GRM7: variants seen among roughly 807,000 people sequenced by gnomAD.
GRM7 encodes the protein metabotropic glutamate receptor 7.
GRM7 carries 35 observed loss-of-function variants against 84.5 expected under a neutral mutation model. The observed-to-expected ratio is 0.41, with a 90% confidence interval of 0.32 to 0.55. GRM7 has a LOEUF of 0.55. Ranked by LOEUF, GRM7 falls within the 20% of genes least tolerant of loss-of-function variation. GRM7 has a pLI of 0.19. For missense variants in GRM7, 1,003 were observed against 1,194.6 expected (o/e 0.84, Z 2.36); for synonymous variants, 487 against 455.1 (o/e 1.07, Z -0.89).
intron 1 of GRM7, among the ~76,000 whole-genome samples, chr3:6,868,697 G>C (rs546337857): frequency 6.6e-6 from 1 of 152,256 alleles, no homozygotes; most frequent in East Asian, 1.9e-4. Flanking sequence ...TATGTGCAAA[G>C]TGAGAGGACT....
At chr3:7,043,540 C>G (rs1325279399) in intron 1 of GRM7, among the ~76,000 whole-genome samples, 1 of 152,152 alleles carries the variant, frequency 6.6e-6, no homozygotes, top group Non-Finnish European at 1.5e-5. Flanking sequence ...GGATATTTTT[C>G]CAGCTTTTAA....
intron 1 of GRM7, among the ~76,000 whole-genome samples, chr3:7,144,668 G>C (rs540563918): frequency 1.3e-5 from 2 of 152,292 alleles, no homozygotes; most frequent in Middle Eastern, 3.4e-3. Context: ...CTGTTTCTCA[G>C]AACTTGATCT....
At position 6,949,980 on chromosome 3, in the gene GRM7, A is replaced by T. The variant is rs532447634; in HGVS notation, c.519+88073A>T. Among the ~76,000 whole-genome samples, 25 of 152,036 alleles carry T rather than the reference A, an allele frequency of 1.6e-4. No homozygotes were observed. The East Asian group carries it at 4.7e-3, about 28-fold the overall frequency. On this transcript the variant is annotated intron_variant, in intron 1 of 9. Coordinates refer to ENST00000357716, the MANE Select transcript of GRM7 (RefSeq NM_000844.4). ...GTCTAATTTTTTTTCAAAGTTTTTA[A>T]TTTCTTTGCCGTTGGTTCGAACTTC... is the stretch of plus-strand genomic sequence containing the variant.
chr3:7,281,278 AT>A lies in GRM7; in HGVS notation c.737-17398del, dbSNP rs199686710. ...ATTGTATTTTATTCTATGTAAATCT[AT>A]TTTTTTTGCAGTGCTAAAACAGGTA... On this transcript the variant is annotated intron_variant, in intron 2 of 9. Transcript: ENST00000357716. Among the ~76,000 whole-genome samples the A allele has an allele frequency of 8.7e-4, 132 of 151,908 alleles. 1 individual carries two copies. The highest frequency in any genetic ancestry group is 5.0e-3 in the South Asian group (24 of 4,822).
At chr3:7,113,367 C>G (rs1419595985) in intron 1 of GRM7, among the ~76,000 whole-genome samples, 1 of 152,154 alleles carries the variant, frequency 6.6e-6, no homozygotes, top group Non-Finnish European at 1.5e-5. Context: ...AACAAATACA[C>G]AGCCTCGTTC....
Position 7,686,694 on chromosome 3 carries a change from A to G in GRM7, c.2698+6399A>G, listed in dbSNP as rs369370542. 9.2e-5 allele frequency among the ~76,000 whole-genome samples: 14 copies of G among 152,306 alleles called. No homozygotes were observed. The East Asian group carries it at 9.6e-4, about 10-fold the overall frequency. ...TGTCTTCCTGAACAGCTAGCCAGTA[A>G]TTGCAGAGAACTGTTGCTGGTCATT... On this transcript the variant is annotated intron_variant, in intron 9 of 9. Transcript: ENST00000357716.
intron 4 of GRM7, among the ~76,000 whole-genome samples, chr3:7,352,540 C>T (rs1575207427): frequency 1.3e-5 from 2 of 152,068 alleles, no homozygotes; most frequent in African/African-American, 4.8e-5. Flanking sequence ...GAAAATCAAA[C>T]ACAAGTCCTC....
At chr3:7,137,545 A>G (rs1019531762) in intron 1 of GRM7, among the ~76,000 whole-genome samples, 2 of 152,076 alleles carry the variant, frequency 1.3e-5, no homozygotes, top group Non-Finnish European at 2.9e-5. Flanking sequence ...CATCAGTGTC[A>G]CCTGACTAGT....
intron 1 of GRM7, among the ~76,000 whole-genome samples, chr3:7,064,969 T>C (rs1697599825): frequency 1.3e-5 from 2 of 152,036 alleles, no homozygotes; most frequent in African/African-American, 4.8e-5. Flanking sequence ...ATATGTTCAT[T>C]GGCCATTTGT....
At chr3:7,448,520 G>C (rs1206460150) in intron 5 of GRM7, among the ~76,000 whole-genome samples, 2 of 152,160 alleles carry the variant, frequency 1.3e-5, no homozygotes, top group Non-Finnish European at 2.9e-5. Flanking sequence ...ATTTCAGTTG[G>C]GAGAGGAGGA....
chr3:7,059,216 T>C (rs1235549245), intron 1 of GRM7, among the ~76,000 whole-genome samples: 1 of 151,750 alleles, frequency 6.6e-6, no homozygotes, highest in Non-Finnish European at 1.5e-5. Context: ...CATCAATATA[T>C]TTTTTCAGTA....
chr3:7,173,341 C>T (rs547672050), intron 2 of GRM7, among the ~76,000 whole-genome samples: 1 of 152,312 alleles, frequency 6.6e-6, no homozygotes, highest in Admixed American at 6.5e-5. Flanking sequence ...TGTAATGTCT[C>T]ACAGGGACAT....
chr3:6,890,337 T>C (rs1695882931), intron 1 of GRM7, among the ~76,000 whole-genome samples: 1 of 152,236 alleles, frequency 6.6e-6, no homozygotes, highest in Non-Finnish European at 1.5e-5. Flanking sequence ...GTGTCAATTT[T>C]GGATCTTTCG....
At chr3:6,915,659 T>C (rs1317350079) in intron 1 of GRM7, among the ~76,000 whole-genome samples, 1 of 152,226 alleles carries the variant, frequency 6.6e-6, no homozygotes, top group Non-Finnish European at 1.5e-5. Context: ...TCATTGACTT[T>C]CACTATTCAT....
chr3:7,124,998 G>A (rs1693349200), intron 1 of GRM7, among the ~76,000 whole-genome samples: 1 of 152,040 alleles, frequency 6.6e-6, no homozygotes, highest in African/African-American at 2.4e-5. Context: ...GAGTGCAGTG[G>A]CGCGGGTCTC....
intron 5 of GRM7, among the ~76,000 whole-genome samples, chr3:7,415,818 G>A (rs376126038): frequency 5.9e-5 from 9 of 152,078 alleles, no homozygotes; most frequent in African/African-American, 1.9e-4. Flanking sequence ...CCTCTATGTT[G>A]CCCAGAGTCT....
At chr3:6,919,809 G>T (rs1034189996) in intron 1 of GRM7, among the ~76,000 whole-genome samples, 1 of 152,000 alleles carries the variant, frequency 6.6e-6, no homozygotes, top group Non-Finnish European at 1.5e-5. Context: ...AGGAAATTAG[G>T]ATTTGACTAA....
At chr3:6,942,761 T>C (rs12486271) in intron 1 of GRM7, among the ~76,000 whole-genome samples, 11,064 of 152,134 alleles carry the variant, frequency 0.073, 558 homozygotes, top group Non-Finnish European at 0.11. Flanking sequence ...GGATGGATCA[T>C]ATGGTAAGAA....
intron 1 of GRM7, among the ~76,000 whole-genome samples, chr3:6,918,580 T>G (rs1697019826): frequency 6.6e-6 from 1 of 152,188 alleles, no homozygotes; most frequent in Non-Finnish European, 1.5e-5. Flanking sequence ...ATCTTCTATG[T>G]TTATTCATTC....
Sources: allele counts gnomAD v4.1 joint callset (sites outside exome capture counted in the v4.1 genomes callset), GRCh38; gene constraint gnomAD v4.1.1; transcripts MANE v1.5; gene names NCBI Gene and HGNC (gene_info 2026-07-23, HGNC 2026-07-21).